CHD7: variants seen among roughly 807,000 people sequenced by gnomAD.
CHD7 encodes ATP-dependent chromatin remodeler CHD7.
In CHD7, 24 loss-of-function variants were observed where a neutral mutation model predicts 307.3. That is an observed-to-expected ratio of 0.08 (90% CI 0.06 to 0.11). The LOEUF is 0.11. Among genes scored for constraint, CHD7 ranks in the 10% least tolerant of loss-of-function variants. The probability of loss-of-function intolerance (pLI) is 1.00; values close to 1 mark genes in which losing one functional copy is unlikely to be tolerated. For synonymous variants in CHD7, 1,363 were observed against 1,349.9 expected, an observed-to-expected ratio of 1.01 and a Z score of -0.21; for missense variants, 3,106 against 3,727.1, an observed-to-expected ratio of 0.83 and a Z score of 4.34.
At position 60,830,584 on chromosome 8, in the gene CHD7, C is replaced by T; in HGVS notation, c.3778+7C>T. ...CATCCGTACCTTATCAATGGTAAGG[C>T]TGCCCTGCTCGCGAACTTGCTTAAG... On this transcript the variant is annotated splice_region_variant and intron_variant, in intron 15 of 37. Transcript: ENST00000423902. The T allele has an allele frequency of 6.2e-7, 1 of 1,609,188 alleles. No homozygotes were observed. Among genetic ancestry groups the T allele is most frequent in the Non-Finnish European group, 8.5e-7 (1 of 1,176,338 alleles).
intron 1 of CHD7, among the ~76,000 whole-genome samples, chr8:60,703,215 A>G (rs757687116): frequency 1.3e-5 from 2 of 152,196 alleles, no homozygotes; most frequent in Admixed American, 6.5e-5. Flanking sequence ...GTTCAGTGAT[A>G]CTAAATGCAT....
intron 2 of CHD7, among the ~76,000 whole-genome samples, chr8:60,767,386 A>C (rs1810521722): frequency 6.6e-6 from 1 of 152,226 alleles, no homozygotes; most frequent in South Asian, 2.1e-4. Context: ...CAAATTCAAA[A>C]GTAGGTTGGT....
Position 60,829,785 on chromosome 8 carries a change from G to A in CHD7, c.3523-537G>A, listed in dbSNP as rs181220681. Among the ~76,000 whole-genome samples the A allele has an allele frequency of 4.8e-3, 725 of 152,200 alleles. 6 individuals carry two copies. The highest frequency in any genetic ancestry group is 0.016 in the African/African-American group (652 of 41,512). On this transcript the variant is annotated intron_variant, in intron 14 of 37. Transcript: ENST00000423902. The stretch of plus-strand genomic sequence containing the variant: ...AACCTGTTAGCTCAGTTCAGAGTAA[G>A]GTCTGTTTTGTTTTTCTTTTCTAAA...
intron 2 of CHD7, among the ~76,000 whole-genome samples, chr8:60,744,516 TTGTCTTCTA>T (rs1809224669): frequency 1.4e-5 from 2 of 140,872 alleles, no homozygotes. Context: ...GTGGTGATAA[TTGTCTTCTA>T]TGCTTTTTGT....
At position 60,723,410 on chromosome 8, in the gene CHD7, T is replaced by C. The variant is rs551523397; in HGVS notation, c.-174-17849T>C. On this transcript the variant is annotated intron_variant, in intron 1 of 37. Transcript: ENST00000423902. ...TCTTTGAAAAAAGCCTGCACCTCAG[T>C]TATACCTCAGTTATGCAATCTGCTT... Among the ~76,000 whole-genome samples, 21 of 152,280 alleles carry C rather than the reference T, an allele frequency of 1.4e-4. No individual in the cohort carries two copies. The South Asian group carries it at 1.5e-3, about 11-fold the overall frequency.
At chr8:60,686,372 T>C (rs933889402) in intron 1 of CHD7, among the ~76,000 whole-genome samples, 2 of 151,760 alleles carry the variant, frequency 1.3e-5, no homozygotes, top group Non-Finnish European at 2.9e-5. Flanking sequence ...AAAAACTCTT[T>C]AAAATACATT....
At chr8:60,682,208 A>T (rs968514195) in intron 1 of CHD7, among the ~76,000 whole-genome samples, 1 of 152,232 alleles carries the variant, frequency 6.6e-6, no homozygotes, top group African/African-American at 2.4e-5. Context: ...TCTAGTTTTT[A>T]ATCAGTTCAA....
intron 1 of CHD7, among the ~76,000 whole-genome samples, chr8:60,708,858 T>TG: frequency 6.6e-6 from 1 of 152,300 alleles, no homozygotes; most frequent in Non-Finnish European, 1.5e-5. Flanking sequence ...TCTAGTTATA[T>TG]GGGGGCACAT....
rs1259500954 is a variant in CHD7, at chr8:60,856,660, T to C, written c.7380T>C (p.Ser2460=). 6.2e-7 allele frequency: 1 copy of C among 1,613,920 alleles called. No individual in the cohort carries two copies. Among genetic ancestry groups the C allele is most frequent in the African/African-American group, 1.3e-5 (1 of 74,944 alleles). The change falls in exon 34 of 38, where the codon TCT becomes TCC. Residue 2460 remains serine, a synonymous_variant. Coordinates refer to ENST00000423902, the MANE Select transcript of CHD7 (RefSeq NM_017780.4). ...EATSSTSNFS[S]LSSKFILPNV... ...CAAGCTCTACCTCAAATTTTTCATC[T>C]CTTTCTTCAAAGTTTATCTTGCCTA...
At chr8:60,735,134 A>G (rs1808637018) in intron 1 of CHD7, among the ~76,000 whole-genome samples, 1 of 152,198 alleles carries the variant, frequency 6.6e-6, no homozygotes, top group African/African-American at 2.4e-5. Context: ...ACAGGGCCAC[A>G]TCTGCTTCGT....
intron 12 of CHD7, among the ~76,000 whole-genome samples, chr8:60,822,947 C>A (rs758503857): frequency 6.6e-6 from 1 of 151,994 alleles, no homozygotes; most frequent in Non-Finnish European, 1.5e-5. Flanking sequence ...TTTGGTTTTT[C>A]TGATTATTAG....
chr8:60,845,109 C>A (rs377741689), intron 22 of CHD7, 46 bp downstream of exon 22: 7 of 1,602,450 alleles, frequency 4.4e-6, no homozygotes, highest in Non-Finnish European at 6.0e-6. Context: ...ACAAAGCCAC[C>A]AGGAACTTTT....
At chr8:60,837,282 C>G (rs1175662702) in intron 17 of CHD7, among the ~76,000 whole-genome samples, 1 of 152,128 alleles carries the variant, frequency 6.6e-6, no homozygotes, top group Non-Finnish European at 1.5e-5. Flanking sequence ...TCTTTGGTAG[C>G]CGTCTTAGCT....
intron 34 of CHD7, among the ~76,000 whole-genome samples, chr8:60,857,895 A>G (rs1323912624): frequency 1.3e-5 from 2 of 152,260 alleles, no homozygotes; most frequent in Non-Finnish European, 2.9e-5. Context: ...AATAACATCC[A>G]CTGAAATTTC....
At chr8:60,807,459 A>G (rs546971849) in intron 6 of CHD7, among the ~76,000 whole-genome samples, 7 of 152,266 alleles carry the variant, frequency 4.6e-5, no homozygotes, top group Non-Finnish European at 1.0e-4. Context: ...CCATCTGAAC[A>G]TCATCTTCTG....
At chr8:60,838,784 T>C (rs1804847033) in intron 19 of CHD7, among the ~76,000 whole-genome samples, 2 of 152,246 alleles carry the variant, frequency 1.3e-5, no homozygotes, top group Admixed American at 1.3e-4. Context: ...CCTGCCTCTC[T>C]ATCAGAGCTG....
chr8:60,757,472 T>C (rs1407321137), intron 2 of CHD7, among the ~76,000 whole-genome samples: 1 of 152,236 alleles, frequency 6.6e-6, no homozygotes, highest in Non-Finnish European at 1.5e-5. Flanking sequence ...ATGACAATTA[T>C]CTCACTAAAC....
intron 1 of CHD7, among the ~76,000 whole-genome samples, chr8:60,694,149 T>C (rs1806338028): frequency 6.6e-6 from 1 of 152,264 alleles, no homozygotes; most frequent in Non-Finnish European, 1.5e-5. Flanking sequence ...AATGGCAATT[T>C]CGGTGTGAGG....
rs2150809533 is a variant in CHD7, at chr8:60,852,872, G to A, written c.6147G>A (p.Glu2049=). The A allele has an allele frequency of 1.2e-6, 2 of 1,613,896 alleles. No individual in the cohort carries two copies. Among genetic ancestry groups the A allele is most frequent in the Non-Finnish European group, 1.7e-6 (2 of 1,179,846 alleles). Residue 2049 remains glutamate, a synonymous_variant, in exon 31 of 38, where the codon GAG becomes GAA. Transcript: ENST00000423902. ...LSSIIEPITE[E]RASRTLYRIE... is the part of the protein sequence containing the mutation. ...CCATAATTGAGCCGATCACAGAGGAGCGAGCCTCTCGAACTCTGTACCGCA... is the reference window on the plus strand; with the variant it reads ...CCATAATTGAGCCGATCACAGAGGAACGAGCCTCTCGAACTCTGTACCGCA...
Sources: allele counts gnomAD v4.1 joint callset (sites outside exome capture counted in the v4.1 genomes callset), GRCh38; gene constraint gnomAD v4.1.1; transcripts MANE v1.5; gene names NCBI Gene and HGNC (gene_info 2026-07-23, HGNC 2026-07-21).